HUNK: variants seen among roughly 807,000 people sequenced by gnomAD.
The protein encoded by HUNK is hormonally up-regulated Neu-associated kinase, also known as hormonally up-regulated neu tumor-associated kinase.
A neutral mutation model predicts 61.0 loss-of-function variants in HUNK; 21 were observed. That is an observed-to-expected ratio of 0.34 (90% CI 0.24 to 0.50). The LOEUF (loss-of-function observed/expected upper bound fraction) is 0.50. Ranked by LOEUF, HUNK falls within the 20% of genes least tolerant of loss-of-function variation. HUNK has a pLI of 0.98. For missense variants in HUNK, 772 were observed against 945.7 expected, an observed-to-expected ratio of 0.82 and a Z score of 2.41; for synonymous variants, 371 against 386.1, an observed-to-expected ratio of 0.96 and a Z score of 0.46.
chr21:31,995,770 T>G lies in HUNK; in HGVS notation c.1308T>G (p.Asp436Glu), dbSNP rs1161371016. 1 of 1,613,208 alleles carries G rather than the reference T, an allele frequency of 6.2e-7. No individual in the cohort carries two copies. Among genetic ancestry groups the G allele is most frequent in the African/African-American group, 1.3e-5 (1 of 74,830 alleles). The change falls in exon 10 of 11, where the codon GAT (aspartate) becomes GAG (glutamate). Residue 436 changes from aspartate to glutamate, a missense_variant and splice_region_variant. Around this residue, in one of 2 missense-constraint regions of HUNK, gnomAD observed 413 missense variants for 444.4 expected, o/e 0.93. Transcript: ENST00000270112. The part of the protein sequence containing the change: ...TRDLEFHAVQ[D>E]KKPKEQEKRG... ...ATATGTTTGCTTCTGATTTGTAGGA[T>G]AAAAAGCCCAAAGAACAAGAAAAAA...
At chr21:31,897,473 C>T (rs1268822744) in intron 1 of HUNK, among the ~76,000 whole-genome samples, 8 of 152,182 alleles carry the variant, frequency 5.3e-5, no homozygotes, top group African/African-American at 1.7e-4. Flanking sequence ...ATCATCTTCC[C>T]TCTGTGCATG....
intron 1 of HUNK, among the ~76,000 whole-genome samples, chr21:31,906,837 C>T (rs571049907): frequency 2.6e-4 from 40 of 152,258 alleles, no homozygotes; most frequent in Admixed American, 2.2e-3. Flanking sequence ...TTCCCTGTCC[C>T]TTACAGTTGC....
chr21:31,972,330 C>T (rs745655370), intron 6 of HUNK, among the ~76,000 whole-genome samples: 2 of 152,084 alleles, frequency 1.3e-5, no homozygotes, highest in Admixed American at 1.3e-4. Flanking sequence ...TTGTACCATT[C>T]TCTGTGTCAT....
intron 10 of HUNK, among the ~76,000 whole-genome samples, chr21:31,996,390 T>G (rs1016483874): frequency 1.3e-5 from 2 of 152,108 alleles, no homozygotes; most frequent in South Asian, 4.1e-4. Context: ...TCCAAGTTCC[T>G]TTAGTGCTGA....
rs182020279 is a variant in HUNK at position 31,998,616 on chromosome 21, C to A, written c.1577C>A (p.Pro526His). The A allele has an allele frequency of 1.9e-6, 3 of 1,614,118 alleles. No homozygotes were observed. In the African/African-American group the frequency reaches 4.0e-5, roughly 22 times the overall value. ...SSMEFIPVPP[P>H]RTPRIVKKPE... ...ATGGAGTTCATCCCCGTGCCACCGCCCAGGACCCCGAGGATTGTGAAGAAA... is the reference window on the plus strand; with the variant it reads ...ATGGAGTTCATCCCCGTGCCACCGCACAGGACCCCGAGGATTGTGAAGAAA... The change falls in exon 11 of 11, where the codon CCC becomes CAC. Residue 526 changes from proline (P) to histidine (H), a missense_variant. Coordinates refer to ENST00000270112, the MANE Select transcript of HUNK (RefSeq NM_014586.2).
At chr21:31,945,818 A>G (rs138854153) in intron 3 of HUNK, among the ~76,000 whole-genome samples, 1 of 152,292 alleles carries the variant, frequency 6.6e-6, no homozygotes, top group Non-Finnish European at 1.5e-5. Flanking sequence ...CCCGATGTCA[A>G]ATGCTCTCAG....
At chr21:31,912,623 C>T (rs1375885003) in intron 1 of HUNK, among the ~76,000 whole-genome samples, 2 of 152,064 alleles carry the variant, frequency 1.3e-5, no homozygotes, top group Admixed American at 1.3e-4. Context: ...CTCACTGCAG[C>T]GTCAACCTCC....
At chr21:31,933,389 C>A (rs1220874807) in intron 2 of HUNK, among the ~76,000 whole-genome samples, 4 of 152,104 alleles carry the variant, frequency 2.6e-5, no homozygotes, top group Non-Finnish European at 5.9e-5. Context: ...GTGGTTCACG[C>A]TTATAATCCC....
At chr21:31,950,132 C>T (rs2052839453) in intron 4 of HUNK, among the ~76,000 whole-genome samples, 1 of 152,082 alleles carries the variant, frequency 6.6e-6, no homozygotes, top group Admixed American at 6.6e-5. Context: ...GCTAGTGGGA[C>T]AAACAGCTGG....
intron 1 of HUNK, among the ~76,000 whole-genome samples, chr21:31,921,268 A>G (rs1160813723): frequency 6.6e-6 from 1 of 151,068 alleles, no homozygotes; most frequent in Non-Finnish European, 1.5e-5. Context: ...GTTAGTCACT[A>G]TTAGTCACTT....
intron 1 of HUNK, among the ~76,000 whole-genome samples, chr21:31,886,327 C>T (rs2052345208): frequency 2.0e-5 from 3 of 150,918 alleles, no homozygotes; most frequent in African/African-American, 7.3e-5. Context: ...GAAGCTGAGG[C>T]ATGAGAATCA....
At chr21:31,985,157 T>G (rs1404823534) in intron 8 of HUNK, among the ~76,000 whole-genome samples, 4 of 152,162 alleles carry the variant, frequency 2.6e-5, no homozygotes, top group Non-Finnish European at 5.9e-5. Flanking sequence ...AAGGGGAGAT[T>G]TGGGTGGGGA....
At chr21:31,997,674 T>C (rs144461441) in intron 10 of HUNK, among the ~76,000 whole-genome samples, 1 of 152,348 alleles carries the variant, frequency 6.6e-6, no homozygotes, top group African/African-American at 2.4e-5. Flanking sequence ...TTATTATTGC[T>C]GAACTGTACA....
At chr21:31,938,247 C>T (rs1192485104) in intron 2 of HUNK, among the ~76,000 whole-genome samples, 1 of 152,228 alleles carries the variant, frequency 6.6e-6, no homozygotes, top group Non-Finnish European at 1.5e-5. Flanking sequence ...CCCCACCAGC[C>T]TGTTGGGTCT....
chr21:31,885,666 T>A (rs991492178), intron 1 of HUNK, among the ~76,000 whole-genome samples: 3 of 152,182 alleles, frequency 2.0e-5, no homozygotes, highest in Admixed American at 6.5e-5. Flanking sequence ...ATGGCTGTCT[T>A]CTTCCTGTGT....
chr21:31,969,176 C>T (rs570148958), intron 6 of HUNK, among the ~76,000 whole-genome samples: 10 of 152,124 alleles, frequency 6.6e-5, no homozygotes, highest in Non-Finnish European at 1.0e-4. Flanking sequence ...CGTGCCCGGC[C>T]AGTCCTTGTG....
chr21:31,999,133 C>G lies in HUNK; in HGVS notation c.2094C>G (p.Ala698=). Residue 698 remains alanine, a synonymous_variant, in exon 11 of 11, where the codon GCC becomes GCG. Transcript: ENST00000270112. The part of the protein sequence containing the change: ...EASLPPLQPL[A]PVNLAFDMAD... The stretch of plus-strand genomic sequence containing the variant: ...GCCTGCCCCCACTGCAGCCCCTAGC[C>G]CCTGTGAACCTTGCCTTTGACATGG... The G allele has an allele frequency of 6.2e-7, 1 of 1,613,696 alleles. No individual in the cohort carries two copies. Among genetic ancestry groups the G allele is most frequent in the Middle Eastern group, 1.7e-4 (1 of 6,050 alleles).
intron 9 of HUNK, among the ~76,000 whole-genome samples, chr21:31,994,763 T>G (rs916553546): frequency 6.6e-6 from 1 of 152,272 alleles, no homozygotes; most frequent in African/African-American, 2.4e-5. Context: ...TCTGGCTTTA[T>G]GCCAGAGGCT....
chr21:32,000,546 G>A lies in HUNK; in HGVS notation c.*1362G>A. ...AAAAGAAGACCCATCAGCACAGGTT[G>A]GATAGGGGTTAGTGTAGGAGACCAG... On this transcript the variant is annotated 3_prime_UTR_variant, in exon 11 of 11. Coordinates refer to ENST00000270112, the MANE Select transcript of HUNK (RefSeq NM_014586.2). 1 of 399,230 alleles carries A rather than the reference G, an allele frequency of 2.5e-6. No homozygotes were observed. The highest frequency in any genetic ancestry group is 3.6e-5 in the East Asian group (1 of 28,086). The allele number at this position is 399,230 out of a possible 1,614,324, so 24.7% of individuals were successfully genotyped here. A position where few individuals can be genotyped will look rare whatever the true frequency, so the allele number is the denominator to read the frequency against.
Sources: allele counts gnomAD v4.1 joint callset (sites outside exome capture counted in the v4.1 genomes callset), GRCh38; gene constraint gnomAD v4.1.1; regional missense constraint gnomAD v4.1.1; transcripts MANE v1.5; gene names NCBI Gene and HGNC (gene_info 2026-07-23, HGNC 2026-07-21).